Variants in TTC21B observed in about 807,000 individuals in gnomAD.
The protein encoded by TTC21B is tetratricopeptide repeat domain 21B.
In TTC21B, 127 loss-of-function variants were observed where a neutral mutation model predicts 175.1. That is an observed-to-expected ratio of 0.73 (90% CI 0.63 to 0.84). TTC21B has a LOEUF of 0.84. Ranked by LOEUF, TTC21B falls within the 40% of genes least tolerant of loss-of-function variation. TTC21B has a pLI of 0.00. For missense variants in TTC21B, 1,561 were observed against 1,558.3 expected, an observed-to-expected ratio of 1.00 and a Z score of -0.03; for synonymous variants, 524 against 524.5, an observed-to-expected ratio of 1.00 and a Z score of 0.01.
chr2:165,931,632 A>G (rs781495808), intron 8 of TTC21B, 126 bp downstream of exon 8: 65 of 793,330 alleles, frequency 8.2e-5, no homozygotes, highest in Non-Finnish European at 1.2e-4. Context: ...TCCTAGGAGT[A>G]TATCATATAT....
At chr2:165,877,061 G>C (rs941496959) in intron 27 of TTC21B, among the ~76,000 whole-genome samples, 2 of 152,156 alleles carry the variant, frequency 1.3e-5, no homozygotes, top group Non-Finnish European at 2.9e-5. Flanking sequence ...CCTCTTAATG[G>C]ATGTTGTTCT....
intron 19 of TTC21B, among the ~76,000 whole-genome samples, chr2:165,903,313 A>G (rs1685626340): frequency 6.6e-6 from 1 of 152,216 alleles, no homozygotes; most frequent in African/African-American, 2.4e-5. Flanking sequence ...GGCATTAGGA[A>G]TCACATGTGA....
chr2:165,931,289 T>C (rs2105346527), intron 8 of TTC21B, among the ~76,000 whole-genome samples: 1 of 152,272 alleles, frequency 6.6e-6, no homozygotes, highest in East Asian at 1.9e-4. Flanking sequence ...CTACTGTATT[T>C]TTCTATTTCA....
At chr2:165,940,927 T>A in intron 6 of TTC21B, 100 bp downstream of exon 6, 1 of 1,348,396 alleles carries the variant, frequency 7.4e-7, no homozygotes, top group Non-Finnish European at 1.0e-6. Flanking sequence ...TTGAAAAAAA[T>A]CAAATTTAAA....
chr2:165,880,296 T>C (rs919438289), intron 27 of TTC21B, among the ~76,000 whole-genome samples: 1 of 152,184 alleles, frequency 6.6e-6, no homozygotes, highest in African/African-American at 2.4e-5. Context: ...TATACGTTAG[T>C]GTTTAAAGGC....
chr2:165,904,626 C>T lies in TTC21B; in HGVS notation c.2569-2716G>A, dbSNP rs186893835. Among the ~76,000 whole-genome samples, 414 of 152,280 alleles carry T rather than the reference C, an allele frequency of 2.7e-3. 3 individuals are homozygous for T. The highest frequency in any genetic ancestry group is 9.4e-3 in the African/African-American group (389 of 41,548). On this transcript the variant is annotated intron_variant, in intron 19 of 28. Coordinates refer to ENST00000243344, the MANE Select transcript of TTC21B (RefSeq NM_024753.5). ...GGTTAGGACTGAGGCATCTGCATTC[C>T]ACTTCAAACTCTTCTAGTAACCAGC...
intron 14 of TTC21B, among the ~76,000 whole-genome samples, chr2:165,916,145 CCCAGCT>C (rs1574101119): frequency 6.6e-6 from 1 of 152,096 alleles, no homozygotes; most frequent in East Asian, 1.9e-4. Flanking sequence ...CTGGGCATGG[CCCAGCT>C]ACTTGAGAGA....
chr2:165,918,598 T>G (rs1323784830), intron 13 of TTC21B, among the ~76,000 whole-genome samples: 1 of 152,122 alleles, frequency 6.6e-6, no homozygotes, highest in African/African-American at 2.4e-5. Flanking sequence ...CCCGGCCTTC[T>G]GCAAATCTTA....
At chr2:165,910,348 A>G (rs1293115541) in intron 18 of TTC21B, among the ~76,000 whole-genome samples, 3 of 152,034 alleles carry the variant, frequency 2.0e-5, no homozygotes, top group Non-Finnish European at 4.4e-5. Context: ...GCTTGCAGTG[A>G]GCTGAGATCG....
chr2:165,915,553 T>C (rs1686137694), intron 14 of TTC21B, 114 bp from the exon 15 acceptor site: 1 of 955,656 alleles, frequency 1.0e-6, no homozygotes, highest in Non-Finnish European at 1.6e-6. Flanking sequence ...TTATAATATT[T>C]ACGAAATAAA....
At chr2:165,917,531 A>G (rs746384345) in intron 13 of TTC21B, 50 bp from the exon 14 acceptor site, 3 of 1,361,550 alleles carry the variant, frequency 2.2e-6, no homozygotes, top group Non-Finnish European at 2.1e-6. Context: ...ACATCAACAC[A>G]TAATTTACAA....
At chr2:165,900,108 T>C (rs1304362577) in intron 20 of TTC21B, among the ~76,000 whole-genome samples, 2 of 147,294 alleles carry the variant, frequency 1.4e-5, no homozygotes, top group Non-Finnish European at 3.0e-5. Context: ...ACTTCAAAAG[T>C]AGAGAGACAT....
chr2:165,875,502 T>C (rs535832826), intron 28 of TTC21B, among the ~76,000 whole-genome samples: 2 of 152,272 alleles, frequency 1.3e-5, no homozygotes, highest in Non-Finnish European at 2.9e-5. Flanking sequence ...ATAGAATGTC[T>C]TATATGGAAT....
At chr2:165,946,210 G>A (rs181011518) in intron 3 of TTC21B, among the ~76,000 whole-genome samples, 314 of 151,540 alleles carry the variant, frequency 2.1e-3, no homozygotes, top group African/African-American at 7.3e-3. Flanking sequence ...GTGATAGCGT[G>A]CACCTGTAGT....
chr2:165,945,801 C>A, intron 3 of TTC21B, 111 bp from the exon 4 acceptor site: 2 of 704,568 alleles, frequency 2.8e-6, no homozygotes, highest in Non-Finnish European at 4.2e-6. Flanking sequence ...GTGGTACTGT[C>A]TAATAGAAAT....
chr2:165,891,135 T>C (rs1485633464), intron 22 of TTC21B, 147 bp from the exon 23 acceptor site: 9 of 719,758 alleles, frequency 1.3e-5, no homozygotes, highest in Admixed American at 2.8e-5. Context: ...TAATTCCCTA[T>C]AGAGGCTGTA....
At chr2:165,913,454 T>A in intron 16 of TTC21B, 120 bp downstream of exon 16, 1 of 691,180 alleles carries the variant, frequency 1.4e-6, no homozygotes. Context: ...TCCCTTTTAC[T>A]GTGATGGCTG....
chr2:165,949,513 C>G lies in TTC21B; in HGVS notation c.152-9G>C. The stretch of plus-strand genomic sequence containing the variant: ...AGCTTCTTGAGTTTTACCTGAAAAT[C>G]AAGATTATGATATGAAAAACTGTTC... On this transcript the variant is annotated splice_polypyrimidine_tract_variant and intron_variant, in intron 2 of 28. Transcript: ENST00000243344. The G allele has an allele frequency of 1.2e-6, 2 of 1,613,480 alleles. No individual in the cohort carries two copies. Among genetic ancestry groups the G allele is most frequent in the Non-Finnish European group, 1.7e-6 (2 of 1,179,674 alleles).
intron 6 of TTC21B, among the ~76,000 whole-genome samples, chr2:165,935,143 G>A (rs1336274584): frequency 2.6e-5 from 4 of 152,170 alleles, no homozygotes; most frequent in Non-Finnish European, 2.9e-5. Context: ...GTCTAGGTCC[G>A]TTAAAAACAG....
Sources: allele counts gnomAD v4.1 joint callset (sites outside exome capture counted in the v4.1 genomes callset), GRCh38; gene constraint gnomAD v4.1.1; transcripts MANE v1.5; gene names NCBI Gene and HGNC (gene_info 2026-07-23, HGNC 2026-07-21).